Variants in GALNTL6 observed in about 807,000 individuals in gnomAD.
GALNTL6 encodes polypeptide N-acetylgalactosaminyltransferase like 6.
Under a neutral mutation model 73.7 loss-of-function variants are expected in GALNTL6, and 46 were observed. The ratio of observed to expected loss-of-function variants is 0.62; its 90% CI spans 0.49 to 0.80. GALNTL6 has a LOEUF of 0.80. Ranked by LOEUF, GALNTL6 falls within the 30% of genes least tolerant of loss-of-function variation. GALNTL6 has a pLI of 0.00. For missense variants in GALNTL6, 604 were observed against 755.0 expected (o/e 0.80, Z 2.34); for synonymous variants, 259 against 263.7 (o/e 0.98, Z 0.17).
At chr4:172,393,064 T>C (rs560561320) in intron 5 of GALNTL6, among the ~76,000 whole-genome samples, 1 of 152,226 alleles carries the variant, frequency 6.6e-6, no homozygotes, top group South Asian at 2.1e-4. Context: ...TATGAGAATC[T>C]AACTAATGCC....
intron 5 of GALNTL6, among the ~76,000 whole-genome samples, chr4:172,697,513 AG>A (rs944321714): frequency 3.3e-5 from 5 of 152,222 alleles, no homozygotes; most frequent in Admixed American, 6.5e-5. Context: ...TAAATTTTTA[AG>A]GAAAATCAAA....
intron 2 of GALNTL6, among the ~76,000 whole-genome samples, chr4:172,164,445 C>G (rs1243171379): frequency 6.6e-6 from 1 of 151,608 alleles, no homozygotes; most frequent in African/African-American, 2.4e-5. Context: ...TGTTCATAAT[C>G]CAGAAAGTAA....
Position 172,377,889 on chromosome 4 carries a change from C to T in GALNTL6, c.553+29200C>T, listed in dbSNP as rs540909144. Among the ~76,000 whole-genome samples the T allele has an allele frequency of 1.8e-4, 27 of 151,944 alleles. No homozygotes were observed. The East Asian group carries it at 3.1e-3, about 17-fold the overall frequency. On this transcript the variant is annotated intron_variant, in intron 5 of 12. Coordinates refer to ENST00000506823, the MANE Select transcript of GALNTL6 (RefSeq NM_001034845.3). ...TTCACGCTGGCCCGCGAGCGCTGCACGCAGCACCAGATCCCCCCCCCCATG... is the reference window on the plus strand; with the variant it reads ...TTCACGCTGGCCCGCGAGCGCTGCATGCAGCACCAGATCCCCCCCCCCATG...
At chr4:172,398,068 G>A (rs967992669) in intron 5 of GALNTL6, among the ~76,000 whole-genome samples, 4 of 151,972 alleles carry the variant, frequency 2.6e-5, no homozygotes, top group African/African-American at 9.7e-5. Context: ...TATTTCTAAA[G>A]CAGAATATAT....
intron 5 of GALNTL6, among the ~76,000 whole-genome samples, chr4:172,587,922 T>C (rs1356388156): frequency 6.6e-6 from 1 of 152,192 alleles, no homozygotes; most frequent in Admixed American, 6.5e-5. Context: ...ATTATAATTA[T>C]CCAATTTTCT....
intron 2 of GALNTL6, among the ~76,000 whole-genome samples, chr4:172,156,728 A>T (rs993949662): frequency 1.3e-5 from 2 of 151,554 alleles, no homozygotes; most frequent in Non-Finnish European, 2.9e-5. Context: ...CTTAAATGTC[A>T]TGACTGATAC....
chr4:172,525,129 T>A (rs76373505), intron 5 of GALNTL6, among the ~76,000 whole-genome samples: 8,784 of 152,310 alleles, frequency 0.058, 371 homozygotes, highest in Non-Finnish European at 0.076. Flanking sequence ...TCTTCCTTTG[T>A]ACCAAAAGCA....
chr4:172,160,161 T>G (rs1489732296), intron 2 of GALNTL6, among the ~76,000 whole-genome samples: 1 of 151,978 alleles, frequency 6.6e-6, no homozygotes, highest in Non-Finnish European at 1.5e-5. Flanking sequence ...TGTATAAATA[T>G]AAGTGTGTGT....
intron 5 of GALNTL6, among the ~76,000 whole-genome samples, chr4:172,425,124 G>A (rs937318559): frequency 6.6e-6 from 1 of 152,002 alleles, no homozygotes; most frequent in Admixed American, 6.6e-5. Context: ...GAAATAATGA[G>A]TACTACAGTA....
intron 2 of GALNTL6, among the ~76,000 whole-genome samples, chr4:171,891,046 C>G (rs1736746691): frequency 6.6e-6 from 1 of 151,998 alleles, no homozygotes; most frequent in Non-Finnish European, 1.5e-5. Flanking sequence ...CCTACTCAGG[C>G]TTGCTTATTT....
chr4:172,653,328 T>G lies in GALNTL6; in HGVS notation c.554-156033T>G, dbSNP rs138963265. 1.9e-3 allele frequency among the ~76,000 whole-genome samples: 283 copies of G among 151,888 alleles called. 1 individual carries two copies. Among genetic ancestry groups the G allele is most frequent in the African/African-American group, 6.6e-3 (274 of 41,422 alleles). ...TCCACCTCCCAGATTCAAGTGATTCTCCTGCCTCAGCCTCCCGAGTAGCTG... is the reference window on the plus strand; with the variant it reads ...TCCACCTCCCAGATTCAAGTGATTCGCCTGCCTCAGCCTCCCGAGTAGCTG... On this transcript the variant is annotated intron_variant, in intron 5 of 12. Coordinates refer to ENST00000506823, the MANE Select transcript of GALNTL6 (RefSeq NM_001034845.3).
At position 172,858,393 on chromosome 4, in the gene GALNTL6, A is replaced by G. The variant is rs1050454061; in HGVS notation, c.924-24397A>G. ...AATATAAAGCAAGGTAAGGGGACAG[A>G]CATTACAGGCAGAGGGGTTGAAGGA... On this transcript the variant is annotated intron_variant, in intron 7 of 12. Coordinates refer to ENST00000506823, the MANE Select transcript of GALNTL6 (RefSeq NM_001034845.3). Among the ~76,000 whole-genome samples, 6 of 152,322 alleles carry G rather than the reference A, an allele frequency of 3.9e-5. No homozygotes were observed. The East Asian group carries it at 1.2e-3, about 29-fold the overall frequency.
intron 5 of GALNTL6, among the ~76,000 whole-genome samples, chr4:172,514,800 T>G (rs986767403): frequency 2.0e-5 from 3 of 152,118 alleles, no homozygotes; most frequent in Non-Finnish European, 2.9e-5. Flanking sequence ...TGCTTCTACT[T>G]TTATATTTTA....
intron 2 of GALNTL6, among the ~76,000 whole-genome samples, chr4:171,973,414 C>T (rs1243021980): frequency 6.6e-6 from 1 of 152,084 alleles, no homozygotes; most frequent in South Asian, 2.1e-4. Flanking sequence ...CAAGGTGATG[C>T]CTCCTTGCTT....
chr4:172,181,219 A>G (rs1218819391), intron 2 of GALNTL6, among the ~76,000 whole-genome samples: 4 of 152,184 alleles, frequency 2.6e-5, no homozygotes. Flanking sequence ...AACATCCTCA[A>G]TAAAATACTG....
At chr4:172,375,134 A>T (rs1295786093) in intron 5 of GALNTL6, among the ~76,000 whole-genome samples, 1 of 152,164 alleles carries the variant, frequency 6.6e-6, no homozygotes, top group Admixed American at 6.5e-5. Context: ...ATGCTAGGAT[A>T]TGGGGATAAG....
chr4:172,726,276 G>A (rs1015171877), intron 5 of GALNTL6, among the ~76,000 whole-genome samples: 1 of 152,192 alleles, frequency 6.6e-6, no homozygotes, highest in African/African-American at 2.4e-5. Flanking sequence ...GCCAGGTTCC[G>A]AGGCCTAAAG....
At chr4:172,039,025 G>A (rs961767119) in intron 2 of GALNTL6, among the ~76,000 whole-genome samples, 4 of 152,006 alleles carry the variant, frequency 2.6e-5, no homozygotes, top group African/African-American at 9.7e-5. Context: ...AATCCTTTTC[G>A]CTTCATTTTG....
At chr4:172,707,987 C>G (rs1250469880) in intron 5 of GALNTL6, among the ~76,000 whole-genome samples, 2 of 152,070 alleles carry the variant, frequency 1.3e-5, no homozygotes, top group Non-Finnish European at 2.9e-5. Context: ...AGAAACCTGA[C>G]TAAAGTTTGG....
Sources: gnomAD v4.1 joint callset for allele counts (sites outside exome capture counted in the v4.1 genomes callset) on GRCh38, gnomAD v4.1.1 for gene constraint, MANE v1.5 for transcripts, NCBI Gene and HGNC (gene_info 2026-07-23, HGNC 2026-07-21) for gene names.